Variants in PTPDC1 observed in about 807,000 individuals in gnomAD.
The protein encoded by PTPDC1 is protein tyrosine phosphatase domain-containing protein 1.
Under a neutral mutation model 75.3 loss-of-function variants are expected in PTPDC1, and 53 were observed. The ratio of observed to expected loss-of-function variants is 0.70; its 90% CI spans 0.56 to 0.88. The LOEUF (loss-of-function observed/expected upper bound fraction) is 0.88, where lower values mean the gene tolerates loss of function less well. Among genes scored for constraint, PTPDC1 ranks in the 40% least tolerant of loss-of-function variants. PTPDC1 has a pLI of 0.00. For missense variants in PTPDC1, 925 were observed against 998.6 expected (o/e 0.93, Z 0.99); for synonymous variants, 349 against 366.2 (o/e 0.95, Z 0.54).
chr9:94,084,457 T>A (rs41281148), upstream of PTPDC1: 17 of 1,582,728 alleles, frequency 1.1e-5, no homozygotes, highest in Middle Eastern at 9.2e-4. Context: ...CAATGCTCCC[T>A]GCTCTCAGTG....
At chr9:94,040,839 C>T (rs887153768) in intron 1 of PTPDC1, among the ~76,000 whole-genome samples, 25 of 152,286 alleles carry the variant, frequency 1.6e-4, no homozygotes, top group African/African-American at 6.0e-4. Flanking sequence ...TACCTGAAGA[C>T]TCCTAGGTGC....
At chr9:94,077,603 G>A (rs1270700088) in intron 2 of PTPDC1, among the ~76,000 whole-genome samples, 1 of 152,208 alleles carries the variant, frequency 6.6e-6, no homozygotes, top group Non-Finnish European at 1.5e-5. Context: ...TGGTGGAAGA[G>A]GCACAGAGCA....
At chr9:94,043,581 C>T (rs747072793) in intron 1 of PTPDC1, among the ~76,000 whole-genome samples, 11 of 152,050 alleles carry the variant, frequency 7.2e-5, no homozygotes, top group Non-Finnish European at 1.0e-4. Context: ...ATGAGCCAGA[C>T]GTGGTGGCGT....
chr9:94,091,038 T>A (rs1827296217), intron 4 of PTPDC1, among the ~76,000 whole-genome samples: 1 of 152,114 alleles, frequency 6.6e-6, no homozygotes, highest in Non-Finnish European at 1.5e-5. Context: ...CAGGGACAAT[T>A]TGACTTCCTC....
At position 94,101,615 on chromosome 9, in the gene PTPDC1, G is replaced by A; in HGVS notation, c.2063G>A (p.Arg688Lys). 1 of 1,613,582 alleles carries A rather than the reference G, an allele frequency of 6.2e-7. No individual in the cohort carries two copies. Among genetic ancestry groups the A allele is most frequent in the Non-Finnish European group, 8.5e-7 (1 of 1,179,678 alleles). The change falls in exon 7 of 9, where the codon AGG becomes AAG. Residue 688 changes from arginine to lysine, a missense_variant. Arg to Lys is a conservative substitution (Grantham distance 26, BLOSUM62 2). Coordinates refer to ENST00000620992, the MANE Select transcript of PTPDC1 (RefSeq NM_001253829.2). ...GCTTGGGAAAGAATATGTGGCGAGA[G>A]GGACCCTTTCATCCTATGCAGCTTG... ...DGAWERICGE[R>K]DPFILCSLMW...
At position 94,101,721 on chromosome 9, in the gene PTPDC1, T is replaced by A; in HGVS notation, c.2169T>A (p.Asp723Glu). The A allele has an allele frequency of 6.2e-7, 1 of 1,612,008 alleles. No individual in the cohort carries two copies. Among genetic ancestry groups the A allele is most frequent in the Non-Finnish European group, 8.5e-7 (1 of 1,178,808 alleles). ...ACATGTTGGTTGACAGGCGAGCAGA[T>A]GCCGCAGAAGCACTTTTTTTATTAG... ...DVDMLVDRRA[D>E]AAEALFLLEK... Residue 723 changes from aspartate to glutamate, a missense_variant, in exon 7 of 9, where the codon GAT becomes GAA. Transcript: ENST00000620992.
intron 8 of PTPDC1, among the ~76,000 whole-genome samples, chr9:94,106,088 A>T (rs749645743): frequency 1.9e-4 from 29 of 152,366 alleles, no homozygotes; most frequent in Non-Finnish European, 3.7e-4. Context: ...AACTGAAAAA[A>T]ATCCTTACGA....
At chr9:94,098,814 C>G in intron 6 of PTPDC1, 1 of 550,530 alleles carries the variant, frequency 1.8e-6, no homozygotes, top group Non-Finnish European at 3.2e-6. Flanking sequence ...TGGTGTGATG[C>G]TTGACCCACA....
intron 1 of PTPDC1, among the ~76,000 whole-genome samples, chr9:94,048,156 C>T (rs1825674620): frequency 6.6e-6 from 1 of 152,232 alleles, no homozygotes; most frequent in South Asian, 2.1e-4. Context: ...AAAAAACCAG[C>T]TCCTGCATTC....
At chr9:94,058,633 G>A (rs868237916) in intron 1 of PTPDC1, among the ~76,000 whole-genome samples, 1 of 152,036 alleles carries the variant, frequency 6.6e-6, no homozygotes, top group African/African-American at 2.4e-5. Flanking sequence ...CATGAACCTG[G>A]AGGGGGAAGT....
rs71496466 is a variant in PTPDC1 at position 94,084,599 on chromosome 9, C to G, written c.69C>G (p.Arg23=). The stretch of plus-strand genomic sequence containing the variant: ...TCCTCAGCTCCTTTCTCCAGGGCCG[C>G]CGGCACTCCACCTCAGACCCAGTAC... ...VRFLSSFLQG[R]RHSTSDPVLR... is the part of the protein sequence containing the mutation. Residue 23 remains arginine, a synonymous_variant, in exon 1 of 9, where the codon CGC becomes CGG. Coordinates refer to ENST00000620992, the MANE Select transcript of PTPDC1 (RefSeq NM_001253829.2). The G allele has an allele frequency of 3.1e-6, 5 of 1,613,698 alleles. No individual in the cohort carries two copies. Among genetic ancestry groups the G allele is most frequent in the Non-Finnish European group, 2.5e-6 (3 of 1,179,952 alleles).
chr9:94,049,694 G>A (rs1825725852), intron 1 of PTPDC1, among the ~76,000 whole-genome samples: 1 of 152,054 alleles, frequency 6.6e-6, no homozygotes, highest in African/African-American at 2.4e-5. Context: ...TATGTGTCTT[G>A]GAATTGCTCT....
chr9:94,096,448 A>G (rs1160290647), intron 5 of PTPDC1, among the ~76,000 whole-genome samples: 1 of 152,138 alleles, frequency 6.6e-6, no homozygotes, highest in Admixed American at 6.5e-5. Flanking sequence ...AGAGGTTCTG[A>G]TTTTCATATG....
In PTPDC1 at chr9:94,097,854, C is replaced by G; in HGVS notation, c.1288C>G (p.Arg430Gly). Residue 430 changes from arginine (R) to glycine (G), a missense_variant, in exon 6 of 9, where the codon CGG becomes GGG. By Grantham distance (125) the Arg-to-Gly change is moderately radical (BLOSUM62 -2). Transcript: ENST00000620992. The stretch of plus-strand genomic sequence containing the variant: ...ACAGTTTGACCCTCTTTGGAAAAGG[C>G]GGAATGTTGAGTGCCTTCAACCCCT... The part of the protein sequence containing the change: ...EQQFDPLWKR[R>G]NVECLQPLTH... 1 of 1,614,110 alleles carries G rather than the reference C, an allele frequency of 6.2e-7. No individual in the cohort carries two copies. Among genetic ancestry groups the G allele is most frequent in the Non-Finnish European group, 8.5e-7 (1 of 1,180,040 alleles).
Position 94,108,357 on chromosome 9 carries a change from G to A in PTPDC1, c.*413G>A, listed in dbSNP as rs943830420. The stretch of plus-strand genomic sequence containing the variant: ...AACTTTAGTAGTAAAACCTCATTGT[G>A]TATCCATTCCCCCACAGATGAACTA... On this transcript the variant is annotated 3_prime_UTR_variant, in exon 9 of 9. Transcript: ENST00000620992. The A allele has an allele frequency of 6.5e-6, 1 of 152,962 alleles. No individual in the cohort carries two copies. The highest frequency in any genetic ancestry group is 2.4e-5 in the African/African-American group (1 of 41,446). 9.5% of individuals were successfully genotyped at this position (152,962 alleles called of 1,614,324 possible).
intron 1 of PTPDC1, among the ~76,000 whole-genome samples, chr9:94,055,496 A>T (rs1295356180): frequency 6.6e-6 from 1 of 152,214 alleles, no homozygotes; most frequent in Non-Finnish European, 1.5e-5. Context: ...TATCCAGACT[A>T]TGGAATATTA....
intron 2 of PTPDC1, 62 bp downstream of exon 2, chr9:94,085,484 C>A: frequency 6.4e-7 from 1 of 1,569,056 alleles, no homozygotes; most frequent in Admixed American, 1.7e-5. Flanking sequence ...TCTGTGTGAG[C>A]CAGGAGCCCT....
intron 1 of PTPDC1, among the ~76,000 whole-genome samples, chr9:94,056,398 A>C (rs1825939275): frequency 6.6e-6 from 1 of 152,310 alleles, no homozygotes. Flanking sequence ...AATCACATTG[A>C]CAATATTTAT....
chr9:94,084,834 G>C, intron 1 of PTPDC1, 60 bp downstream of exon 1: 1 of 1,222,434 alleles, frequency 8.2e-7, no homozygotes, highest in Non-Finnish European at 1.1e-6. Context: ...ATGGGAATCA[G>C]CTGTGTTGTG....
Sources: gnomAD v4.1 joint callset for allele counts (sites outside exome capture counted in the v4.1 genomes callset) on GRCh38, gnomAD v4.1.1 for gene constraint, MANE v1.5 for transcripts, NCBI Gene and HGNC (gene_info 2026-07-23, HGNC 2026-07-21) for gene names.